Variants in LRCH3 observed in about 807,000 individuals in gnomAD.
The protein encoded by LRCH3 is leucine rich repeats and calponin homology domain containing 3.
A neutral mutation model predicts 104.5 loss-of-function variants in LRCH3; 68 were observed. The ratio of observed to expected loss-of-function variants is 0.65; its 90% confidence interval spans 0.54 to 0.80. LRCH3 has a LOEUF of 0.80. LRCH3 is among the 30% of genes least tolerant of loss of function. The probability of loss-of-function intolerance (pLI) is 0.00; values close to 1 mark genes in which losing one functional copy is unlikely to be tolerated. For missense variants in LRCH3, 951 were observed against 953.9 expected (o/e 1.00, Z 0.04); for synonymous variants, 344 against 361.3 (o/e 0.95, Z 0.54).
At chr3:197,850,785 C>T (rs1162759523) in intron 12 of LRCH3, 17 of 1,239,122 alleles carry the variant, frequency 1.4e-5, no homozygotes, top group Middle Eastern at 2.3e-4. Context: ...GAATGGTACA[C>T]GCTGTTTCTG....
intron 2 of LRCH3, among the ~76,000 whole-genome samples, chr3:197,816,763 G>A (rs1733849637): frequency 6.6e-6 from 1 of 152,110 alleles, no homozygotes; most frequent in Non-Finnish European, 1.5e-5. Flanking sequence ...GATGAGGGAA[G>A]TAGATTATAA....
intron 4 of LRCH3, among the ~76,000 whole-genome samples, chr3:197,821,916 C>G (rs1349482916): frequency 6.6e-6 from 1 of 152,200 alleles, no homozygotes; most frequent in African/African-American, 2.4e-5. Flanking sequence ...TCAAGAGATC[C>G]ACTTGCCTCA....
chr3:197,871,091 T>C (rs1319457823), intron 18 of LRCH3, among the ~76,000 whole-genome samples: 1 of 152,200 alleles, frequency 6.6e-6, no homozygotes, highest in Non-Finnish European at 1.5e-5. Flanking sequence ...GTTTTTTTTT[T>C]TAATCAGAAA....
In LRCH3 at chr3:197,871,373, G is replaced by A. The variant is rs1712173077; in HGVS notation, c.2041G>A (p.Ala681Thr). Residue 681 changes from alanine to threonine, a missense_variant, in exon 19 of 21, where the codon GCT (alanine) becomes ACT (threonine). Transcript: ENST00000425562. ...KVSLPCDLGA[A>T]LTDGVVLCHL... Reference sequence around the variant, plus strand: ...GTCTCTACCTTGTGATCTCGGAGCAGCTCTAACTGACGGTGTTGTTCTTTG... The same window carrying A: ...GTCTCTACCTTGTGATCTCGGAGCAACTCTAACTGACGGTGTTGTTCTTTG... 3.1e-6 allele frequency: 5 copies of A among 1,614,070 alleles called. No individual in the cohort carries two copies. Among genetic ancestry groups the A allele is most frequent in the Non-Finnish European group, 1.7e-6 (2 of 1,179,978 alleles).
chr3:197,881,624 A>G (rs1713779340), intron 20 of LRCH3: 2 of 985,386 alleles, frequency 2.0e-6, no homozygotes, highest in Non-Finnish European at 2.4e-6. Context: ...AATATTGTCT[A>G]GCTCTTTCAG....
chr3:197,875,611 G>A (rs962285904), intron 19 of LRCH3, 87 bp from the exon 20 acceptor site: 31 of 956,394 alleles, frequency 3.2e-5, no homozygotes, highest in African/African-American at 3.1e-4. Flanking sequence ...CCAGGCTTGC[G>A]CCACTGCACT....
chr3:197,852,378 G>C, intron 12 of LRCH3, 183 bp from the exon 13 acceptor site: 2 of 587,622 alleles, frequency 3.4e-6, no homozygotes, highest in South Asian at 4.3e-5. Flanking sequence ...TGTTTGTGTA[G>C]ATATATGTAT....
chr3:197,824,733 G>A lies in LRCH3; in HGVS notation c.641-2145G>A, dbSNP rs576011862. Among the ~76,000 whole-genome samples, 18 of 150,866 alleles carry A rather than the reference G, an allele frequency of 1.2e-4. 2 individuals are homozygous for A. The East Asian group carries it at 3.0e-3, about 25-fold the overall frequency. Reference sequence around the variant, plus strand: ...ATTATAGGAGCCCGCCACCACGCCTGGCTAACTTTTGTATTTTTAGTAGAG... The same window carrying A: ...ATTATAGGAGCCCGCCACCACGCCTAGCTAACTTTTGTATTTTTAGTAGAG... On this transcript the variant is annotated intron_variant, in intron 4 of 20. Coordinates refer to ENST00000425562, the MANE Select transcript of LRCH3 (RefSeq NM_001365715.1).
intron 10 of LRCH3, among the ~76,000 whole-genome samples, chr3:197,843,554 T>C (rs780583127): frequency 2.0e-5 from 3 of 152,106 alleles, no homozygotes; most frequent in Non-Finnish European, 4.4e-5. Context: ...CGTGGTGGCA[T>C]GCACCTGTAA....
At chr3:197,837,595 A>G (rs947089930) in intron 9 of LRCH3, among the ~76,000 whole-genome samples, 2 of 152,180 alleles carry the variant, frequency 1.3e-5, no homozygotes, top group Non-Finnish European at 2.9e-5. Flanking sequence ...TAAACACTCT[A>G]CTATTATTTA....
chr3:197,844,209 T>C (rs919184399), intron 10 of LRCH3, among the ~76,000 whole-genome samples: 3 of 152,210 alleles, frequency 2.0e-5, no homozygotes, highest in African/African-American at 7.2e-5. Flanking sequence ...AGAGTTCTGC[T>C]GTGGTTATGT....
chr3:197,807,288 G>C (rs573211089), intron 1 of LRCH3, among the ~76,000 whole-genome samples: 1 of 151,262 alleles, frequency 6.6e-6, no homozygotes, highest in Admixed American at 6.6e-5. Flanking sequence ...GCGATCTCGG[G>C]TCACTGCCAG....
chr3:197,847,383 T>G, intron 10 of LRCH3, 26 bp from the exon 11 acceptor site: 1 of 1,566,448 alleles, frequency 6.4e-7, no homozygotes, highest in Non-Finnish European at 8.6e-7. Flanking sequence ...AGAGTTTTTT[T>G]CTTTCTTTTT....
chr3:197,866,273 G>A (rs903236628), intron 17 of LRCH3, 54 bp downstream of exon 17: 18 of 1,253,336 alleles, frequency 1.4e-5, no homozygotes, highest in Admixed American at 5.1e-5. Flanking sequence ...ACACAACGAC[G>A]CTAGCTGTTA....
At chr3:197,839,071 A>G (rs1418141767) in intron 9 of LRCH3, among the ~76,000 whole-genome samples, 1 of 152,254 alleles carries the variant, frequency 6.6e-6, no homozygotes, top group Non-Finnish European at 1.5e-5. Context: ...TGTAATGTAT[A>G]TAATACAGTG....
At chr3:197,829,280 G>T (rs1019565525) in intron 5 of LRCH3, among the ~76,000 whole-genome samples, 5 of 152,174 alleles carry the variant, frequency 3.3e-5, no homozygotes, top group African/African-American at 1.2e-4. Context: ...AAACTAGTCA[G>T]TGTGATAAGT....
chr3:197,882,587 G>A, intron 20 of LRCH3: 1 of 962,490 alleles, frequency 1.0e-6, no homozygotes, highest in Non-Finnish European at 1.2e-6. Flanking sequence ...TTTTTTTAGT[G>A]GCACCAGAAT....
chr3:197,834,382 T>A (rs1736399881), intron 8 of LRCH3, among the ~76,000 whole-genome samples: 1 of 152,246 alleles, frequency 6.6e-6, no homozygotes, highest in Non-Finnish European at 1.5e-5. Context: ...TTATAAAATA[T>A]CTACATTGCT....
intron 9 of LRCH3, among the ~76,000 whole-genome samples, chr3:197,836,776 C>T (rs1176626044): frequency 6.6e-6 from 1 of 152,218 alleles, no homozygotes; most frequent in African/African-American, 2.4e-5. Context: ...CTCCCAGGTT[C>T]AAGTGATTGT....
Sources: gnomAD v4.1 joint callset for allele counts (sites outside exome capture counted in the v4.1 genomes callset) on GRCh38, gnomAD v4.1.1 for gene constraint, MANE v1.5 for transcripts, NCBI Gene and HGNC (gene_info 2026-07-23, HGNC 2026-07-21) for gene names.